GPC6: variants seen among roughly 807,000 people sequenced by gnomAD.
The protein encoded by GPC6 is glypican 6, also known as glypican-6.
Under a neutral mutation model 55.2 loss-of-function variants are expected in GPC6, and 14 were observed. The ratio of observed to expected loss-of-function variants is 0.25; its 90% CI spans 0.17 to 0.40. The LOEUF is 0.40. Among genes scored for constraint, GPC6 ranks in the 10% least tolerant of loss-of-function variants. The pLI, the probability that GPC6 is intolerant of heterozygous loss-of-function variation, is 1.00. For missense variants in GPC6, 641 were observed against 708.5 expected (o/e 0.90, Z 1.08); for synonymous variants, 278 against 259.6 (o/e 1.07, Z -0.68).
intron 1 of GPC6, among the ~76,000 whole-genome samples, chr13:93,520,348 A>G (rs1282840839): frequency 1.3e-5 from 2 of 151,982 alleles, no homozygotes. Context: ...GACCATTAGC[A>G]TGTGAGTTAC....
At chr13:93,859,943 C>G (rs1439344292) in intron 3 of GPC6, among the ~76,000 whole-genome samples, 1 of 151,722 alleles carries the variant, frequency 6.6e-6, no homozygotes, top group African/African-American at 2.4e-5. Context: ...GGTCCCATCT[C>G]AGCCACAATA....
At chr13:93,216,759 G>A in the GPC6 span, among the ~76,000 whole-genome samples, 3 of 152,164 alleles carry the variant, frequency 2.0e-5, no homozygotes, top group Non-Finnish European at 2.9e-5. Context: ...AGGCAGGTAT[G>A]TCTGAAAAAA....
chr13:94,037,371 G>A (rs1310522472), intron 4 of GPC6, among the ~76,000 whole-genome samples: 1 of 151,896 alleles, frequency 6.6e-6, no homozygotes, highest in Admixed American at 6.6e-5. Context: ...CGGAGAAAAT[G>A]TTTAAATGTG....
At chr13:94,353,562 G>A (rs930854479) in intron 6 of GPC6, among the ~76,000 whole-genome samples, 4 of 151,190 alleles carry the variant, frequency 2.6e-5, no homozygotes, top group Non-Finnish European at 5.9e-5. Context: ...AGTGAAAGTC[G>A]TGTGCGAGGA....
intron 2 of GPC6, among the ~76,000 whole-genome samples, chr13:93,556,394 G>A (rs376720268): frequency 0.012 from 1,041 of 88,242 alleles, 4 homozygotes; most frequent in African/African-American, 0.032. Context: ...GTGTGTGTGT[G>A]TATGTATGTA....
rs1427244681 is a variant in GPC6, at chr13:94,157,412, G to A, written c.878-128937G>A. On this transcript the variant is annotated intron_variant, in intron 4 of 8. Coordinates refer to ENST00000377047, the MANE Select transcript of GPC6 (RefSeq NM_005708.5). Reference sequence around the variant, plus strand: ...TGGAGGCTGAATCATAGAAACCTTCGTGATAGGAGTCAAAGCCCAGGTGGG... The same window carrying A: ...TGGAGGCTGAATCATAGAAACCTTCATGATAGGAGTCAAAGCCCAGGTGGG... Among the ~76,000 whole-genome samples, 10 of 152,192 alleles carry A rather than the reference G, an allele frequency of 6.6e-5. No homozygotes were observed. The East Asian group carries it at 1.5e-3, about 24-fold the overall frequency.
chr13:94,144,403 A>AC (rs1291723512), intron 4 of GPC6, among the ~76,000 whole-genome samples: 1 of 69,484 alleles, frequency 1.4e-5, no homozygotes. Flanking sequence ...GGTGCTTTTA[A>AC]AACACACACA....
intron 3 of GPC6, among the ~76,000 whole-genome samples, chr13:93,924,916 A>C (rs999187497): frequency 1.3e-5 from 2 of 152,238 alleles, no homozygotes. Flanking sequence ...AAATGGCTAC[A>C]TTAAGCTCAT....
chr13:94,396,098 A>C (rs1312766446), intron 7 of GPC6, among the ~76,000 whole-genome samples: 1 of 152,050 alleles, frequency 6.6e-6, no homozygotes, highest in Non-Finnish European at 1.5e-5. Flanking sequence ...TGTTCATTCC[A>C]CTAACAACTT....
chr13:93,676,122 AAAAAATAT>A (rs1566481490), intron 2 of GPC6, among the ~76,000 whole-genome samples: 9 of 12,128 alleles, frequency 7.4e-4, no homozygotes, highest in African/African-American at 1.7e-3. Flanking sequence ...AAAAAAAAAA[AAAAAATAT>A]ATATATATAT....
intron 1 of GPC6, among the ~76,000 whole-genome samples, chr13:93,529,657 C>T (rs1015461447): frequency 6.6e-6 from 1 of 151,586 alleles, no homozygotes; most frequent in African/African-American, 2.4e-5. Context: ...GCTGGGATTA[C>T]AGGTGCCCGC....
intron 2 of GPC6, among the ~76,000 whole-genome samples, chr13:93,786,986 T>C (rs1594456448): frequency 1.3e-5 from 2 of 152,202 alleles, no homozygotes; most frequent in South Asian, 4.1e-4. Flanking sequence ...TCACTTCCTA[T>C]TGTTGTACAT....
intron 3 of GPC6, among the ~76,000 whole-genome samples, chr13:93,868,180 G>A (rs1013346993): frequency 7.9e-5 from 12 of 151,618 alleles, no homozygotes; most frequent in African/African-American, 2.9e-4. Context: ...CATGGTGCCC[G>A]CTTGTCATAT....
chr13:93,991,217 T>A (rs1337568172), intron 3 of GPC6, among the ~76,000 whole-genome samples: 11 of 152,142 alleles, frequency 7.2e-5, no homozygotes, highest in Admixed American at 7.2e-4. Flanking sequence ...GGGAATCATA[T>A]GATGAAATTA....
At chr13:94,183,956 A>G (rs1889083167) in intron 4 of GPC6, among the ~76,000 whole-genome samples, 1 of 152,216 alleles carries the variant, frequency 6.6e-6, no homozygotes, top group South Asian at 2.1e-4. Flanking sequence ...ACACACTTAC[A>G]ACTCTCTGAA....
chr13:94,245,313 C>T (rs1891164341), intron 4 of GPC6, among the ~76,000 whole-genome samples: 1 of 151,554 alleles, frequency 6.6e-6, no homozygotes, highest in African/African-American at 2.4e-5. Context: ...AATCTCAGTG[C>T]TTTGGGAGGT....
intron 2 of GPC6, among the ~76,000 whole-genome samples, chr13:93,594,474 C>A (rs1386703700): frequency 1.3e-5 from 2 of 151,980 alleles, no homozygotes; most frequent in African/African-American, 4.8e-5. Context: ...TATTTAACAT[C>A]TTTAAAAGTA....
intron 6 of GPC6, among the ~76,000 whole-genome samples, chr13:94,326,785 A>G (rs192442356): frequency 6.6e-6 from 1 of 152,372 alleles, no homozygotes; most frequent in East Asian, 1.9e-4. Context: ...TCTTTTAGTT[A>G]AATGGCGGGA....
At chr13:93,583,386 A>AATAG (rs1877032398) in intron 2 of GPC6, among the ~76,000 whole-genome samples, 1 of 151,160 alleles carries the variant, frequency 6.6e-6, no homozygotes, top group African/African-American at 2.5e-5. Flanking sequence ...GTGTATGACA[A>AATAG]ACCTGCCTTA....
Sources: gnomAD v4.1 joint callset for allele counts (sites outside exome capture counted in the v4.1 genomes callset) on GRCh38, gnomAD v4.1.1 for gene constraint, MANE v1.5 for transcripts, NCBI Gene and HGNC (gene_info 2026-07-23, HGNC 2026-07-21) for gene names.